EXOC4: variants seen among roughly 807,000 people sequenced by gnomAD.
The protein encoded by EXOC4 is SEC8-like 1.
In EXOC4, 71 loss-of-function variants were observed where a neutral mutation model predicts 107.2. That is an observed-to-expected ratio of 0.66 (90% CI 0.55 to 0.81). The LOEUF is 0.81. Ranked by LOEUF, EXOC4 falls within the 30% of genes least tolerant of loss-of-function variation. The pLI, the probability that EXOC4 is intolerant of heterozygous loss-of-function variation, is 0.00. For synonymous variants in EXOC4, 456 were observed against 441.2 expected, an observed-to-expected ratio of 1.03 and a Z score of -0.42; for missense variants, 1,108 against 1,189.6, an observed-to-expected ratio of 0.93 and a Z score of 1.01.
At chr7:133,807,629 G>A (rs943667018) in intron 10 of EXOC4, among the ~76,000 whole-genome samples, 8 of 152,036 alleles carry the variant, frequency 5.3e-5, no homozygotes, top group South Asian at 2.1e-4. Context: ...GGTATTTACC[G>A]TAAGATAAAT....
chr7:134,064,293 A>G lies in EXOC4; in HGVS notation c.2690A>G (p.Gln897Arg). 1.4e-6 allele frequency: 2 copies of G among 1,428,538 alleles called. No individual in the cohort carries two copies. Among genetic ancestry groups the G allele is most frequent in the Non-Finnish European group, 1.9e-6 (2 of 1,080,160 alleles). The allele number at this position is 1,428,538 out of a possible 1,614,324, so 88.5% of individuals were successfully genotyped here. A position where few individuals can be genotyped will look rare whatever the true frequency, so the allele number is the denominator to read the frequency against. Residue 897 changes from glutamine to arginine, a missense_variant and splice_region_variant, in exon 18 of 18, where the codon CAG (glutamine) becomes CGG (arginine). Gln to Arg is a conservative substitution (Grantham distance 43). Transcript: ENST00000253861. Reference protein sequence around the residue: ...SREADLDFARQYYEMLYNTAD... With the variant: ...SREADLDFARRYYEMLYNTAD... ...AGTGTTCTCTCTTGCTTTCTCAGGCAGTACTACGAGATGCTTTACAACACA... is the reference window on the plus strand; with the variant it reads ...AGTGTTCTCTCTTGCTTTCTCAGGCGGTACTACGAGATGCTTTACAACACA...
At chr7:134,047,298 C>T (rs1795678483) in intron 17 of EXOC4, among the ~76,000 whole-genome samples, 1 of 151,898 alleles carries the variant, frequency 6.6e-6, no homozygotes, top group African/African-American at 2.4e-5. Context: ...TGCAAATGCT[C>T]TCTATATTTT....
intron 7 of EXOC4, among the ~76,000 whole-genome samples, chr7:133,438,904 G>A (rs1046540631): frequency 6.6e-6 from 1 of 152,140 alleles, no homozygotes; most frequent in Non-Finnish European, 1.5e-5. Flanking sequence ...ATGACAGTAG[G>A]TCAGTTCATT....
At chr7:133,832,095 A>G (rs1398366388) in intron 11 of EXOC4, among the ~76,000 whole-genome samples, 26 of 152,184 alleles carry the variant, frequency 1.7e-4, no homozygotes, top group Admixed American at 1.7e-3. Flanking sequence ...TAGTTAACCC[A>G]TACCCTTGTG....
At chr7:133,575,332 G>C (rs998916217) in intron 9 of EXOC4, among the ~76,000 whole-genome samples, 1 of 152,134 alleles carries the variant, frequency 6.6e-6, no homozygotes, top group Non-Finnish European at 1.5e-5. Context: ...TAAGATTTTA[G>C]TTCTAGACTA....
At chr7:133,610,474 C>A (rs1291632523) in intron 9 of EXOC4, among the ~76,000 whole-genome samples, 2 of 152,082 alleles carry the variant, frequency 1.3e-5, no homozygotes, top group African/African-American at 2.4e-5. Flanking sequence ...AAGTTCCAAC[C>A]TGTTTATTTT....
rs1231859117 is a variant in EXOC4 at position 133,341,739 on chromosome 7, A to G, written c.764-14591A>G. 5.3e-5 allele frequency among the ~76,000 whole-genome samples: 8 copies of G among 152,008 alleles called. No individual in the cohort carries two copies. The East Asian group carries it at 1.5e-3, about 29-fold the overall frequency. On this transcript the variant is annotated intron_variant, in intron 5 of 17. Transcript: ENST00000253861. ...CAGGGTTAGGTATATATAATTTAGG[A>G]TTGTGGTATTTTCCTGTTGGATTAG... is the stretch of plus-strand genomic sequence containing the variant.
chr7:133,782,650 C>T (rs1175758709), intron 10 of EXOC4, among the ~76,000 whole-genome samples: 1 of 152,168 alleles, frequency 6.6e-6, no homozygotes, highest in East Asian at 1.9e-4. Context: ...AAATCACACT[C>T]TTAACAGGTC....
At chr7:133,704,004 C>T (rs915373435) in intron 10 of EXOC4, among the ~76,000 whole-genome samples, 1 of 152,202 alleles carries the variant, frequency 6.6e-6, no homozygotes, top group Non-Finnish European at 1.5e-5. Flanking sequence ...CTTCAATTTT[C>T]AGTTCATCTT....
At chr7:133,642,211 A>T (rs766820466) in intron 10 of EXOC4, among the ~76,000 whole-genome samples, 1 of 152,074 alleles carries the variant, frequency 6.6e-6, no homozygotes, top group Non-Finnish European at 1.5e-5. Flanking sequence ...TATACCAGAC[A>T]CTGTCCTTGG....
intron 14 of EXOC4, among the ~76,000 whole-genome samples, chr7:133,989,291 AT>A (rs1272527179): frequency 6.6e-6 from 1 of 152,214 alleles, no homozygotes; most frequent in Non-Finnish European, 1.5e-5. Context: ...TTTTGAACAC[AT>A]TGCATTTGAG....
At position 133,924,181 on chromosome 7, in the gene EXOC4, G is replaced by A. The variant is rs186900387; in HGVS notation, c.2027+6443G>A. Among the ~76,000 whole-genome samples the A allele has an allele frequency of 2.4e-3, 370 of 152,234 alleles. 3 individuals carry two copies. The highest frequency in any genetic ancestry group is 4.4e-3 in the African/African-American group (184 of 41,542). On this transcript the variant is annotated intron_variant, in intron 13 of 17. Transcript: ENST00000253861. ...TGCCTGGGTGAACATGTCCCCACTC[G>A]TTCTCCGTAAGCATACTCATCTAAC...
intron 14 of EXOC4, among the ~76,000 whole-genome samples, chr7:133,947,143 A>G (rs958081045): frequency 1.3e-5 from 2 of 152,154 alleles, no homozygotes; most frequent in African/African-American, 2.4e-5. Context: ...ATGCATACTC[A>G]TTGGGTTGCT....
chr7:133,809,551 A>G (rs1036578975), intron 10 of EXOC4, among the ~76,000 whole-genome samples: 3 of 152,222 alleles, frequency 2.0e-5, no homozygotes, highest in South Asian at 4.1e-4. Context: ...ATTAGAAAAC[A>G]TGTAAGAGGA....
chr7:133,364,124 C>A (rs1329457066), intron 6 of EXOC4, among the ~76,000 whole-genome samples: 1 of 151,800 alleles, frequency 6.6e-6, no homozygotes, highest in African/African-American at 2.4e-5. Flanking sequence ...ATACGAAATG[C>A]CTACAAGTTT....
chr7:133,647,592 C>T (rs1368988070), intron 10 of EXOC4, among the ~76,000 whole-genome samples: 3 of 152,076 alleles, frequency 2.0e-5, no homozygotes, highest in African/African-American at 7.2e-5. Context: ...ACTCTTACCT[C>T]CAACTCTATG....
intron 10 of EXOC4, among the ~76,000 whole-genome samples, chr7:133,751,350 A>G (rs893964640): frequency 6.6e-6 from 1 of 152,180 alleles, no homozygotes; most frequent in African/African-American, 2.4e-5. Flanking sequence ...TACAAATCCA[A>G]TTAGTAAAAT....
intron 9 of EXOC4, among the ~76,000 whole-genome samples, chr7:133,560,950 G>A (rs1800793150): frequency 6.6e-6 from 1 of 151,958 alleles, no homozygotes; most frequent in African/African-American, 2.4e-5. Flanking sequence ...CATAATCAAA[G>A]AGGTTTAAAG....
At chr7:133,686,334 A>G (rs986933959) in intron 10 of EXOC4, among the ~76,000 whole-genome samples, 9 of 152,156 alleles carry the variant, frequency 5.9e-5, no homozygotes, top group African/African-American at 2.2e-4. Flanking sequence ...CTGTATTGGC[A>G]TTTCCTTCCT....
Sources: gnomAD v4.1 joint callset for allele counts (sites outside exome capture counted in the v4.1 genomes callset) on GRCh38, gnomAD v4.1.1 for gene constraint, MANE v1.5 for transcripts, NCBI Gene and HGNC (gene_info 2026-07-23, HGNC 2026-07-21) for gene names.